HPSE2: variants seen among roughly 807,000 people sequenced by gnomAD.
HPSE2 encodes inactive heparanase-2.
HPSE2 carries 38 observed loss-of-function variants against 60.5 expected under a neutral mutation model. The observed-to-expected ratio is 0.63, with a 90% CI of 0.48 to 0.82. The LOEUF (loss-of-function observed/expected upper bound fraction) is 0.82. Among genes scored for constraint, HPSE2 ranks in the 40% least tolerant of loss-of-function variants. The pLI is 0.00. For missense variants in HPSE2, 713 were observed against 740.4 expected, an observed-to-expected ratio of 0.96 and a Z score of 0.43; for synonymous variants, 295 against 293.2, an observed-to-expected ratio of 1.01 and a Z score of -0.06.
chr10:99,159,578 T>G lies in HPSE2; in HGVS notation c.449-15179A>C, dbSNP rs532646792. 3.3e-5 allele frequency among the ~76,000 whole-genome samples: 5 copies of G among 152,322 alleles called. No individual in the cohort carries two copies. The South Asian group carries it at 8.3e-4, about 25-fold the overall frequency. Reference sequence around the variant, plus strand: ...AACTTTTCTGTACAACTTCTGCAAGTTTTTGTAAGTCTAAAGTTATTTCAA... The same window carrying G: ...AACTTTTCTGTACAACTTCTGCAAGGTTTTGTAAGTCTAAAGTTATTTCAA... On this transcript the variant is annotated intron_variant, in intron 2 of 11. Coordinates refer to ENST00000370552, the MANE Select transcript of HPSE2 (RefSeq NM_021828.5).
chr10:98,967,995 T>A (rs1486494338), intron 3 of HPSE2, among the ~76,000 whole-genome samples: 2 of 152,162 alleles, frequency 1.3e-5, no homozygotes, highest in African/African-American at 4.8e-5. Flanking sequence ...ATTTTTCAGA[T>A]TAAGGTCTAA....
chr10:99,306,704 T>C, the HPSE2 span, among the ~76,000 whole-genome samples: 21 of 151,966 alleles, frequency 1.4e-4, 1 homozygote, highest in Admixed American at 8.5e-4. Context: ...ACTTGTTTTT[T>C]TGTTTGTTTG....
intron 4 of HPSE2, among the ~76,000 whole-genome samples, chr10:98,739,987 C>A (rs1428132872): frequency 3.3e-5 from 5 of 151,984 alleles, no homozygotes. Context: ...TTCTCCAGTT[C>A]TTTCTTACTT....
chr10:98,932,113 A>G (rs1156658298), intron 3 of HPSE2, among the ~76,000 whole-genome samples: 2 of 143,252 alleles, frequency 1.4e-5, no homozygotes, highest in Admixed American at 1.4e-4. Context: ...GCTTGTCATA[A>G]ATGGTTCTTA....
At chr10:98,717,822 C>A (rs944245243) in intron 5 of HPSE2, among the ~76,000 whole-genome samples, 2 of 151,988 alleles carry the variant, frequency 1.3e-5, no homozygotes, top group Non-Finnish European at 2.9e-5. Context: ...TACAAACCTT[C>A]AATTTATAAA....
At chr10:98,542,697 C>A (rs1218950502) in intron 9 of HPSE2, among the ~76,000 whole-genome samples, 1 of 150,242 alleles carries the variant, frequency 6.7e-6, no homozygotes, top group African/African-American at 2.4e-5. Context: ...GCCTCAGGAG[C>A]CGATGCGATC....
At chr10:98,566,834 G>A (rs1348936368) in intron 9 of HPSE2, among the ~76,000 whole-genome samples, 1 of 152,128 alleles carries the variant, frequency 6.6e-6, no homozygotes. Flanking sequence ...CTTAGTTCCT[G>A]TCACTCCAGA....
At chr10:99,038,397 C>CA (rs1443843984) in intron 3 of HPSE2, among the ~76,000 whole-genome samples, 3 of 152,070 alleles carry the variant, frequency 2.0e-5, no homozygotes, top group Non-Finnish European at 2.9e-5. Context: ...ATTATGCTGA[C>CA]AAACAAAAGA....
intron 3 of HPSE2, among the ~76,000 whole-genome samples, chr10:98,779,691 A>G (rs1287462725): frequency 1.3e-5 from 2 of 152,198 alleles, no homozygotes; most frequent in Non-Finnish European, 2.9e-5. Flanking sequence ...GGACTCTAGC[A>G]TTCATTCATT....
chr10:98,473,763 T>C (rs2133615109), intron 11 of HPSE2, among the ~76,000 whole-genome samples: 1 of 151,962 alleles, frequency 6.6e-6, no homozygotes, highest in African/African-American at 2.4e-5. Flanking sequence ...AAAGCAAGAG[T>C]AGAAAGGGCA....
chr10:98,928,912 G>A (rs181868332), intron 3 of HPSE2, among the ~76,000 whole-genome samples: 1,462 of 139,224 alleles, frequency 0.011, 276 homozygotes, highest in African/African-American at 0.041. Flanking sequence ...TGGGTGCAGC[G>A]CACCAGCATA....
intron 1 of HPSE2, among the ~76,000 whole-genome samples, chr10:99,234,914 G>C (rs1849788125): frequency 6.6e-6 from 1 of 152,152 alleles, no homozygotes; most frequent in Admixed American, 6.5e-5. Flanking sequence ...CTGAAGTCTG[G>C]AAATGACAGC....
intron 3 of HPSE2, among the ~76,000 whole-genome samples, chr10:98,966,789 C>A (rs1158623792): frequency 6.6e-6 from 1 of 152,198 alleles, no homozygotes; most frequent in African/African-American, 2.4e-5. Flanking sequence ...ACTTGCAATG[C>A]ACCCAACACG....
intron 3 of HPSE2, among the ~76,000 whole-genome samples, chr10:99,019,996 G>C (rs566689396): frequency 6.6e-6 from 1 of 152,140 alleles, no homozygotes; most frequent in Non-Finnish European, 1.5e-5. Flanking sequence ...ACAGGTGTGA[G>C]CCACCGCACC....
At chr10:99,172,518 A>T (rs915994513) in intron 2 of HPSE2, among the ~76,000 whole-genome samples, 2 of 152,220 alleles carry the variant, frequency 1.3e-5, no homozygotes, top group African/African-American at 2.4e-5. Context: ...ATGAATAAAT[A>T]TTGGTCCTAT....
At chr10:98,853,801 T>C (rs1952240841) in intron 3 of HPSE2, among the ~76,000 whole-genome samples, 1 of 152,208 alleles carries the variant, frequency 6.6e-6, no homozygotes, top group South Asian at 2.1e-4. Context: ...GAGCCAGTCA[T>C]GACTTTGCTC....
intron 9 of HPSE2, among the ~76,000 whole-genome samples, chr10:98,567,156 C>T (rs1944370419): frequency 6.6e-6 from 1 of 152,136 alleles, no homozygotes; most frequent in African/African-American, 2.4e-5. Flanking sequence ...CCGACTCTGA[C>T]ACAGGTAGCC....
At chr10:98,578,165 C>A (rs894052193) in intron 9 of HPSE2, among the ~76,000 whole-genome samples, 1 of 152,144 alleles carries the variant, frequency 6.6e-6, no homozygotes, top group Non-Finnish European at 1.5e-5. Flanking sequence ...AAAAACTATG[C>A]TTTGGGTCAG....
intron 5 of HPSE2, among the ~76,000 whole-genome samples, chr10:98,712,648 G>T (rs1948702866): frequency 6.6e-6 from 1 of 152,100 alleles, no homozygotes; most frequent in Non-Finnish European, 1.5e-5. Context: ...CTGCCGTGGT[G>T]GCAAAGACCA....
Sources: allele counts gnomAD v4.1 joint callset (sites outside exome capture counted in the v4.1 genomes callset), GRCh38; gene constraint gnomAD v4.1.1; transcripts MANE v1.5; gene names NCBI Gene and HGNC (gene_info 2026-07-23, HGNC 2026-07-21).